Variants in GRID2 observed in about 807,000 individuals in gnomAD.
GRID2 encodes the protein glutamate ionotropic receptor delta type subunit 2, also known as glutamate receptor ionotropic, delta-2.
Under a neutral mutation model 114.8 loss-of-function variants are expected in GRID2, and 33 were observed. That is an observed-to-expected ratio of 0.29 (90% confidence interval 0.22 to 0.38). The LOEUF is 0.38. Among genes scored for constraint, GRID2 ranks in the 10% least tolerant of loss-of-function variants. The pLI, the probability that GRID2 is intolerant of heterozygous loss-of-function variation, is 1.00. For synonymous variants in GRID2, 505 were observed against 449.9 expected (o/e 1.12, Z -1.55); for missense variants, 1,184 against 1,257.7 (o/e 0.94, Z 0.89).
intron 13 of GRID2, among the ~76,000 whole-genome samples, chr4:93,560,176 A>G (rs1419120034): frequency 6.9e-6 from 1 of 143,944 alleles, no homozygotes; most frequent in Admixed American, 7.2e-5. Flanking sequence ...GTGTGTACCT[A>G]CGTAACAAAC....
At chr4:92,401,593 C>CTATACTGTATGTCTACAA (rs1201013822) in intron 1 of GRID2, among the ~76,000 whole-genome samples, 45 of 152,266 alleles carry the variant, frequency 3.0e-4, no homozygotes, top group African/African-American at 1.1e-3. Flanking sequence ...TATGTCTACA[C>CTATACTGTATGTCTACAA]TATACTGTAT....
chr4:93,230,863 T>C (rs1746050603), intron 7 of GRID2, among the ~76,000 whole-genome samples: 1 of 152,172 alleles, frequency 6.6e-6, no homozygotes, highest in East Asian at 1.9e-4. Flanking sequence ...CAGTCTTTAG[T>C]TTATTATGAC....
chr4:93,207,314 A>T, intron 4 of GRID2, 90 bp from the exon 5 acceptor site: 1 of 888,268 alleles, frequency 1.1e-6, no homozygotes, highest in Non-Finnish European at 1.9e-6. Flanking sequence ...CATACGATTC[A>T]TTTTTTGTCA....
chr4:92,542,462 T>C (rs1726014708), intron 1 of GRID2, among the ~76,000 whole-genome samples: 1 of 152,170 alleles, frequency 6.6e-6, no homozygotes, highest in Admixed American at 6.6e-5. Flanking sequence ...ATGTCATTTA[T>C]GAAATAATGG....
chr4:92,435,931 A>G (rs1318736205), intron 1 of GRID2, among the ~76,000 whole-genome samples: 1 of 152,136 alleles, frequency 6.6e-6, no homozygotes, highest in African/African-American at 2.4e-5. Context: ...TTTGGACCTT[A>G]TGATAGATTT....
chr4:93,312,003 T>C (rs925571429), intron 8 of GRID2, among the ~76,000 whole-genome samples: 1 of 152,104 alleles, frequency 6.6e-6, no homozygotes, highest in Non-Finnish European at 1.5e-5. Context: ...AGAAGTAAAA[T>C]TTTTAGGCAG....
intron 2 of GRID2, among the ~76,000 whole-genome samples, chr4:92,918,546 G>C (rs1352089230): frequency 2.0e-5 from 3 of 152,174 alleles, no homozygotes; most frequent in African/African-American, 7.2e-5. Context: ...AATTTATGGA[G>C]AGTTTTTAGC....
At chr4:92,461,512 A>C (rs1268178917) in intron 1 of GRID2, among the ~76,000 whole-genome samples, 1 of 152,016 alleles carries the variant, frequency 6.6e-6, no homozygotes, top group Non-Finnish European at 1.5e-5. Context: ...CTTTCTCGAT[A>C]TCTTTCTCAT....
intron 2 of GRID2, among the ~76,000 whole-genome samples, chr4:93,013,709 G>A (rs1481241440): frequency 1.3e-5 from 2 of 151,734 alleles, no homozygotes; most frequent in Non-Finnish European, 2.9e-5. Context: ...ATCTGTATTT[G>A]CACAAAGAAG....
chr4:92,973,305 G>A (rs2149174686), intron 2 of GRID2, among the ~76,000 whole-genome samples: 1 of 152,248 alleles, frequency 6.6e-6, no homozygotes, highest in Admixed American at 6.5e-5. Context: ...TGTTTAAATA[G>A]AAGAGGGATA....
chr4:92,669,720 T>G (rs986393425), intron 2 of GRID2, among the ~76,000 whole-genome samples: 17 of 152,180 alleles, frequency 1.1e-4, no homozygotes, highest in Non-Finnish European at 5.9e-5. Flanking sequence ...TATCAACTAG[T>G]GATCAGACCA....
At chr4:93,515,925 T>G (rs1267435052) in intron 13 of GRID2, among the ~76,000 whole-genome samples, 2 of 152,178 alleles carry the variant, frequency 1.3e-5, no homozygotes, top group East Asian at 3.9e-4. Context: ...TACATCTTAC[T>G]TTTTCTATAA....
chr4:93,341,898 A>G (rs1268971159), intron 8 of GRID2, among the ~76,000 whole-genome samples: 1 of 152,158 alleles, frequency 6.6e-6, no homozygotes, highest in African/African-American at 2.4e-5. Flanking sequence ...TTCTAAATAT[A>G]TTTTTGCAAA....
intron 1 of GRID2, among the ~76,000 whole-genome samples, chr4:92,316,276 A>G (rs1579167615): frequency 6.6e-6 from 1 of 152,276 alleles, no homozygotes; most frequent in African/African-American, 2.4e-5. Flanking sequence ...CATGGCCTAT[A>G]TAAGAACCAT....
chr4:92,761,694 T>C (rs1050584690), intron 2 of GRID2, among the ~76,000 whole-genome samples: 2 of 152,066 alleles, frequency 1.3e-5, no homozygotes, highest in African/African-American at 4.8e-5. Flanking sequence ...AGGAAAGGCT[T>C]ATAAAATATG....
rs531594036 is a variant in GRID2 at position 92,908,117 on chromosome 4, C to G, written c.245-176878C>G. ...TCAGTGCTAAGCATTGTGAGATTCACTAGCTATTCTCATGCAGATCTTAAT... is the reference window on the plus strand; with the variant it reads ...TCAGTGCTAAGCATTGTGAGATTCAGTAGCTATTCTCATGCAGATCTTAAT... On this transcript the variant is annotated intron_variant, in intron 2 of 15. Coordinates refer to ENST00000282020, the MANE Select transcript of GRID2 (RefSeq NM_001510.4). Among the ~76,000 whole-genome samples, 11 of 152,246 alleles carry G rather than the reference C, an allele frequency of 7.2e-5. No individual in the cohort carries two copies. In the South Asian group the frequency reaches 2.3e-3, roughly 32 times the overall value.
chr4:92,530,910 G>C (rs866507681), intron 1 of GRID2, among the ~76,000 whole-genome samples: 8 of 150,328 alleles, frequency 5.3e-5, no homozygotes, highest in Non-Finnish European at 7.4e-5. Context: ...CCATCTTGGC[G>C]GGGGGGGAGA....
intron 1 of GRID2, among the ~76,000 whole-genome samples, chr4:92,466,567 CTCTA>C (rs1271646052): frequency 8.6e-5 from 13 of 151,688 alleles, no homozygotes; most frequent in East Asian, 1.9e-4. Flanking sequence ...TAAAAAAATT[CTCTA>C]TCTATTCATT....
intron 2 of GRID2, among the ~76,000 whole-genome samples, chr4:92,653,900 G>A (rs1419552585): frequency 6.6e-6 from 1 of 152,090 alleles, no homozygotes; most frequent in Non-Finnish European, 1.5e-5. Flanking sequence ...TATTAGGATG[G>A]TTAACCTCTG....
Sources: allele counts gnomAD v4.1 joint callset (sites outside exome capture counted in the v4.1 genomes callset), GRCh38; gene constraint gnomAD v4.1.1; transcripts MANE v1.5; gene names NCBI Gene and HGNC (gene_info 2026-07-23, HGNC 2026-07-21).